CPAMD8: variants seen among roughly 807,000 people sequenced by gnomAD.
CPAMD8 encodes C3 and PZP like alpha-2-macroglobulin domain containing 8.
A neutral mutation model predicts 224.7 loss-of-function variants in CPAMD8; 146 were observed. That is an observed-to-expected ratio of 0.65 (90% CI 0.57 to 0.75). The LOEUF is 0.75. Among genes scored for constraint, CPAMD8 ranks in the 30% least tolerant of loss-of-function variants. CPAMD8 has a pLI of 0.00. For synonymous variants in CPAMD8, 966 were observed against 1,044.6 expected (o/e 0.92, Z 1.45); for missense variants, 2,301 against 2,537.5 (o/e 0.91, Z 2.00).
At chr19:16,923,953 C>T (rs969769060) in intron 26 of CPAMD8, among the ~76,000 whole-genome samples, 2 of 150,824 alleles carry the variant, frequency 1.3e-5, no homozygotes, top group Admixed American at 6.6e-5. Flanking sequence ...GAGACCCTAG[C>T]TCTTACAAAA....
At chr19:16,961,417 A>C (rs1338956449) in intron 18 of CPAMD8, among the ~76,000 whole-genome samples, 2 of 152,226 alleles carry the variant, frequency 1.3e-5, no homozygotes, top group Admixed American at 1.3e-4. Context: ...CACTGCTAGC[A>C]CAGCAGTCTG....
intron 13 of CPAMD8, among the ~76,000 whole-genome samples, chr19:16,981,041 C>T (rs1449781775): frequency 6.6e-6 from 1 of 151,858 alleles, no homozygotes. Flanking sequence ...CCATGTTGGC[C>T]AGGCTGGTCT....
At chr19:16,951,659 C>G (rs1407642152) in intron 20 of CPAMD8, among the ~76,000 whole-genome samples, 1 of 152,156 alleles carries the variant, frequency 6.6e-6, no homozygotes, top group Non-Finnish European at 1.5e-5. Flanking sequence ...GGGACAACAG[C>G]TCCACTTACA....
In CPAMD8 at chr19:16,893,557, G is replaced by C. The variant is rs561747029; in HGVS notation, c.5427-218C>G. 6.4e-6 allele frequency: 3 copies of C among 468,552 alleles called. No homozygotes were observed. In the East Asian group the frequency reaches 9.1e-5, roughly 14 times the overall value. 29.0% of individuals were successfully genotyped at this position (468,552 alleles called of 1,614,324 possible). On this transcript the variant is annotated intron_variant, in intron 41 of 41. Coordinates refer to ENST00000443236, the MANE Select transcript of CPAMD8 (RefSeq NM_015692.5). Reference sequence around the variant, plus strand: ...TGTTGGCTGAAATAAATACCACCCCGGAGAAGATGGGCAAATGCAGACATA... The same window carrying C: ...TGTTGGCTGAAATAAATACCACCCCCGAGAAGATGGGCAAATGCAGACATA...
At chr19:16,949,000 GAGAAA>G (rs1467443478) in intron 20 of CPAMD8, among the ~76,000 whole-genome samples, 3 of 126,458 alleles carry the variant, frequency 2.4e-5, no homozygotes, top group Non-Finnish European at 4.9e-5. Flanking sequence ...AAGAAAGAGA[GAGAAA>G]AGAAAAGAAA....
chr19:17,011,820 G>A lies in CPAMD8; in HGVS notation c.268-63C>T, dbSNP rs35560062. On this transcript the variant is annotated intron_variant, in intron 3 of 41. Coordinates refer to ENST00000443236, the MANE Select transcript of CPAMD8 (RefSeq NM_015692.5). ...CCCTGGAATGGGCCAAGATACTGGG[G>A]AAGGAGTTTGGAGGCCTGGAACAGG... is the stretch of plus-strand genomic sequence containing the variant. 0.32 allele frequency: 494,398 copies of A among 1,550,460 alleles called. 81,647 individuals carry two copies. The highest frequency in any genetic ancestry group is 0.52 in the African/African-American group (38,181 of 73,014).
intron 2 of CPAMD8, among the ~76,000 whole-genome samples, chr19:17,021,047 A>G (rs1344939899): frequency 6.6e-6 from 1 of 152,180 alleles, no homozygotes; most frequent in Non-Finnish European, 1.5e-5. Flanking sequence ...ACCAATCAGC[A>G]TAGGCCTTCC....
At position 16,897,733 on chromosome 19, in the gene CPAMD8, G is replaced by T; in HGVS notation, c.5023C>A (p.Pro1675Thr). The change falls in exon 39 of 42, where the codon CCC (proline) becomes ACC (threonine). Residue 1675 changes from proline (P) to threonine (T), a missense_variant. Coordinates refer to ENST00000443236, the MANE Select transcript of CPAMD8 (RefSeq NM_015692.5). The part of the protein sequence containing the change: ...SPLARELCAG[P>T]ACNEVERAPA... ...GCGCGCTCCACTTCGTTGCACGCGG[G>T]TCCGGCGCACAGTTCCCGGGCGAGT... is the stretch of plus-strand genomic sequence containing the variant. 6.4e-7 allele frequency: 1 copy of T among 1,571,436 alleles called. No homozygotes were observed. The highest frequency in any genetic ancestry group is 1.2e-5 in the South Asian group (1 of 85,490).
intron 12 of CPAMD8, among the ~76,000 whole-genome samples, chr19:16,991,272 T>C (rs1024304833): frequency 1.3e-5 from 2 of 152,152 alleles, no homozygotes; most frequent in Non-Finnish European, 2.9e-5. Flanking sequence ...TTCTAATTTA[T>C]GTCATTTTGC....
intron 13 of CPAMD8, among the ~76,000 whole-genome samples, chr19:16,983,910 A>G (rs2055610701): frequency 6.6e-6 from 1 of 152,200 alleles, no homozygotes; most frequent in African/African-American, 2.4e-5. Context: ...CTTGAAAAAG[A>G]AGAATAACAT....
chr19:17,000,569 A>C (rs1249547779), intron 9 of CPAMD8, 47 bp from the exon 10 acceptor site: 2 of 869,344 alleles, frequency 2.3e-6, no homozygotes, highest in East Asian at 4.8e-5. Flanking sequence ...CCAAGATGGC[A>C]GGGAGGGCCC....
chr19:16,901,380 A>G, intron 35 of CPAMD8, 83 bp from the exon 36 acceptor site: 1 of 943,384 alleles, frequency 1.1e-6, no homozygotes, highest in African/African-American at 1.6e-5. Context: ...CCTGGAGCCC[A>G]CACAGCTGAT....
chr19:17,012,036 T>C (rs2056669145), intron 3 of CPAMD8, among the ~76,000 whole-genome samples: 1 of 152,166 alleles, frequency 6.6e-6, no homozygotes, highest in African/African-American at 2.4e-5. Flanking sequence ...ATCTTTTTTT[T>C]TGGAGACAAG....
intron 18 of CPAMD8, among the ~76,000 whole-genome samples, chr19:16,966,525 C>T (rs2054832627): frequency 6.6e-6 from 1 of 152,070 alleles, no homozygotes. Context: ...TTCTGCATGG[C>T]AAAAGAAACT....
chr19:16,914,921 T>C, intron 27 of CPAMD8, 108 bp from the exon 28 acceptor site: 1 of 766,614 alleles, frequency 1.3e-6, no homozygotes, highest in Non-Finnish European at 2.1e-6. Context: ...CTCCATTTCC[T>C]CATCTATAAG....
intron 17 of CPAMD8, among the ~76,000 whole-genome samples, chr19:16,973,366 C>A (rs949852084): frequency 7.9e-5 from 12 of 151,974 alleles, no homozygotes; most frequent in African/African-American, 2.7e-4. Context: ...TATTTAATTT[C>A]ATTTTTTTGA....
chr19:16,964,069 TGCCCACAAGAGAAA>T (rs1386990264), intron 18 of CPAMD8, among the ~76,000 whole-genome samples: 2 of 152,142 alleles, frequency 1.3e-5, no homozygotes, highest in Non-Finnish European at 2.9e-5. Flanking sequence ...TAGCACTAAA[TGCCCACAAGAGAAA>T]GCAGGAAAGA....
chr19:16,921,381 A>C (rs188620362), intron 27 of CPAMD8, among the ~76,000 whole-genome samples: 144 of 152,092 alleles, frequency 9.5e-4, no homozygotes, highest in Non-Finnish European at 1.3e-3. Context: ...GATGCCAAGA[A>C]CTGCAATAGC....
At chr19:16,929,345 C>T in intron 23 of CPAMD8, 105 bp from the exon 24 acceptor site, 2 of 856,922 alleles carry the variant, frequency 2.3e-6, no homozygotes, top group South Asian at 1.6e-5. Flanking sequence ...GAGTGGGTCT[C>T]ACTGTGACTC....
Sources: gnomAD v4.1 joint callset for allele counts (sites outside exome capture counted in the v4.1 genomes callset) on GRCh38, gnomAD v4.1.1 for gene constraint, MANE v1.5 for transcripts, NCBI Gene and HGNC (gene_info 2026-07-23, HGNC 2026-07-21) for gene names.